The following GALNT8 variants were observed in gnomAD, a reference collection of about 807,000 sequenced individuals.
GALNT8 encodes the protein polypeptide N-acetylgalactosaminyltransferase 8.
In GALNT8, 66 loss-of-function variants were observed where a neutral mutation model predicts 62.7. That is an observed-to-expected ratio of 1.05 (90% CI 0.86 to 1.29). The LOEUF is 1.29. Ranked by LOEUF, GALNT8 falls within the 50% of genes most tolerant of loss-of-function variation. The pLI is 0.00. For missense variants in GALNT8, 771 were observed against 791.8 expected, an observed-to-expected ratio of 0.97 and a Z score of 0.32; for synonymous variants, 288 against 294.3, an observed-to-expected ratio of 0.98 and a Z score of 0.22.
Position 4,744,413 on chromosome 12 carries a change from T to C in GALNT8, c.677-104T>C, listed in dbSNP as rs950957063. ...TAGTTGACTCTTAGAATTGCCCATT[T>C]TATGCTGGAGGTAGTCCAGCCACTA... On this transcript the variant is annotated intron_variant, in intron 3 of 10. Transcript: ENST00000252318. 1.4e-5 allele frequency: 10 copies of C among 740,550 alleles called. No individual in the cohort carries two copies. In the African/African-American group the frequency reaches 1.4e-4, roughly 11 times the overall value. The allele number at this position is 740,550 out of a possible 1,614,324, so 45.9% of individuals were successfully genotyped here.
intron 6 of GALNT8, among the ~76,000 whole-genome samples, chr12:4,755,602 T>C (rs891222987): frequency 2.6e-5 from 4 of 152,212 alleles, no homozygotes; most frequent in African/African-American, 9.7e-5. Context: ...GCTTTGCTTG[T>C]GTAAATAGTG....
intron 6 of GALNT8, among the ~76,000 whole-genome samples, chr12:4,756,344 T>C (rs1297096665): frequency 6.6e-6 from 1 of 152,240 alleles, no homozygotes; most frequent in East Asian, 1.9e-4. Flanking sequence ...GTCAAAATCC[T>C]GCTTTGCCTC....
chr12:4,731,664 C>T (rs2137521711), intron 2 of GALNT8, among the ~76,000 whole-genome samples: 1 of 152,120 alleles, frequency 6.6e-6, no homozygotes, highest in Middle Eastern at 3.4e-3. Context: ...TTCTTCTATA[C>T]CTAATTAGTT....
chr12:4,758,629 TGTGTGTGTGAGAGAGAGAGAGAGA>T (rs1299535449), intron 6 of GALNT8, among the ~76,000 whole-genome samples: 1 of 104,490 alleles, frequency 9.6e-6, no homozygotes, highest in Non-Finnish European at 2.1e-5. Context: ...TGTGTGTGTG[TGTGTGTGTGAGAGAGAGAGAGAGA>T]GAGAGAGAGA....
chr12:4,766,431 C>T (rs1946400176), intron 10 of GALNT8, among the ~76,000 whole-genome samples: 1 of 152,116 alleles, frequency 6.6e-6, no homozygotes, highest in South Asian at 2.1e-4. Context: ...GTGCCTGGAG[C>T]AGAAGAGTGT....
chr12:4,757,954 C>G (rs934652183), intron 6 of GALNT8, among the ~76,000 whole-genome samples: 1 of 152,180 alleles, frequency 6.6e-6, no homozygotes, highest in African/African-American at 2.4e-5. Flanking sequence ...GACCCAAAGC[C>G]CTCATTATTT....
At chr12:4,739,135 AAT>A (rs760757993) in intron 2 of GALNT8, 26 bp from the exon 3 acceptor site, 5 of 1,471,820 alleles carry the variant, frequency 3.4e-6, no homozygotes, top group Middle Eastern at 2.2e-4. Context: ...AAAAAAAAAT[AAT>A]ATGTTATAAA....
chr12:4,730,196 G>C (rs1306180222), intron 2 of GALNT8, among the ~76,000 whole-genome samples: 2 of 151,842 alleles, frequency 1.3e-5, no homozygotes, highest in Non-Finnish European at 2.9e-5. Context: ...TTTCCTTGCT[G>C]TGTAGAAGAT....
chr12:4,745,700 T>C, intron 5 of GALNT8, 74 bp downstream of exon 5: 2 of 1,144,676 alleles, frequency 1.7e-6, no homozygotes, highest in East Asian at 2.4e-5. Flanking sequence ...ATTTTGTTTA[T>C]CTTTGGTGGT....
intron 6 of GALNT8, among the ~76,000 whole-genome samples, chr12:4,753,844 GA>G (rs1471146932): frequency 6.6e-6 from 1 of 152,182 alleles, no homozygotes. Context: ...AGGCTTTCCA[GA>G]TATTCAAAAA....
chr12:4,756,527 G>A (rs550584225), intron 6 of GALNT8, among the ~76,000 whole-genome samples: 2 of 152,222 alleles, frequency 1.3e-5, no homozygotes, highest in African/African-American at 4.8e-5. Flanking sequence ...TTGTAATGCT[G>A]TCTCTGCTAA....
At chr12:4,767,779 A>T (rs1427747824) in intron 10 of GALNT8, among the ~76,000 whole-genome samples, 1 of 152,220 alleles carries the variant, frequency 6.6e-6, no homozygotes, top group African/African-American at 2.4e-5. Flanking sequence ...ACAACAAGTT[A>T]CTTTGTTTTA....
intron 6 of GALNT8, among the ~76,000 whole-genome samples, chr12:4,754,142 G>C (rs10849138): frequency 0.52 from 79,102 of 151,956 alleles, 21,132 homozygotes; most frequent in Non-Finnish European, 0.59. Context: ...AGACCTGAAG[G>C]TAGCACAGAA....
intron 1 of GALNT8, among the ~76,000 whole-genome samples, chr12:4,725,553 C>CTTTT (rs747460695): frequency 2.4e-4 from 29 of 119,682 alleles, no homozygotes; most frequent in Non-Finnish European, 3.0e-4. Flanking sequence ...TGAAGACATT[C>CTTTT]TTTTTTTTTT....
intron 6 of GALNT8, among the ~76,000 whole-genome samples, chr12:4,748,009 G>A (rs574870169): frequency 6.6e-6 from 1 of 152,228 alleles, no homozygotes; most frequent in South Asian, 2.1e-4. Flanking sequence ...TTTGCCATTT[G>A]TATGTCTTCT....
At chr12:4,740,042 GA>G (rs1946264864) in intron 3 of GALNT8, among the ~76,000 whole-genome samples, 1 of 152,162 alleles carries the variant, frequency 6.6e-6, no homozygotes, top group Non-Finnish European at 1.5e-5. Context: ...CAGATACCAG[GA>G]AGGGACTTAG....
chr12:4,740,805 G>C (rs1946268711), intron 3 of GALNT8, among the ~76,000 whole-genome samples: 1 of 151,466 alleles, frequency 6.6e-6, no homozygotes, highest in Non-Finnish European at 1.5e-5. Context: ...GCAAAACTAA[G>C]GCATAGACTG....
intron 6 of GALNT8, among the ~76,000 whole-genome samples, chr12:4,748,282 A>G (rs1946308998): frequency 6.6e-6 from 1 of 152,092 alleles, no homozygotes; most frequent in Non-Finnish European, 1.5e-5. Context: ...GTATTGCTGA[A>G]GAAATCTTTG....
chr12:4,752,456 G>C (rs1157427663), intron 6 of GALNT8, among the ~76,000 whole-genome samples: 1 of 148,494 alleles, frequency 6.7e-6, no homozygotes, highest in Non-Finnish European at 1.5e-5. Context: ...CATGAGGCTT[G>C]CAATACTATC....
Sources: gnomAD v4.1 joint callset for allele counts (sites outside exome capture counted in the v4.1 genomes callset) on GRCh38, gnomAD v4.1.1 for gene constraint, MANE v1.5 for transcripts, NCBI Gene and HGNC (gene_info 2026-07-23, HGNC 2026-07-21) for gene names.